Variants in ANO10 observed in about 807,000 individuals in gnomAD.
ANO10 encodes the protein anoctamin 10, also known as anoctamin-10.
Under a neutral mutation model 74.7 loss-of-function variants are expected in ANO10, and 77 were observed. The observed-to-expected ratio is 1.03, with a 90% CI of 0.86 to 1.25. The LOEUF (loss-of-function observed/expected upper bound fraction) is 1.25, where lower values mean the gene tolerates loss of function less well. ANO10 is among the 50% of genes most tolerant of loss of function. The pLI is 0.00. For synonymous variants in ANO10, 279 were observed against 284.9 expected (o/e 0.98, Z 0.21); for missense variants, 721 against 778.1 (o/e 0.93, Z 0.87).
intron 12 of ANO10, among the ~76,000 whole-genome samples, chr3:43,414,303 A>AAGGAATAGT (rs2092706568): frequency 6.6e-6 from 1 of 152,178 alleles, no homozygotes; most frequent in African/African-American, 2.4e-5. Context: ...GCAAAGAGAA[A>AAGGAATAGT]AGGAATAGTG....
intron 1 of ANO10, among the ~76,000 whole-genome samples, chr3:43,674,785 T>C (rs979085305): frequency 6.6e-6 from 1 of 152,122 alleles, no homozygotes; most frequent in African/African-American, 2.4e-5. Context: ...AAAAGGATCA[T>C]CCCAGTTTGA....
At chr3:43,600,731 G>A in intron 2 of ANO10, 150 bp from the exon 3 acceptor site, 1 of 706,760 alleles carries the variant, frequency 1.4e-6, no homozygotes, top group Non-Finnish European at 2.4e-6. Context: ...AATAACATAA[G>A]TACATTAGGG....
chr3:43,656,047 G>A (rs1575581306), intron 1 of ANO10, among the ~76,000 whole-genome samples: 1 of 130,238 alleles, frequency 7.7e-6, no homozygotes, highest in East Asian at 2.4e-4. Context: ...GTGTCCATTG[G>A]TGCATTCACA....
At chr3:43,475,673 A>T (rs1484939056) in intron 11 of ANO10, among the ~76,000 whole-genome samples, 2 of 152,166 alleles carry the variant, frequency 1.3e-5, no homozygotes, top group Non-Finnish European at 2.9e-5. Context: ...ACCTTGGCTC[A>T]CTGCAACCTC....
intron 1 of ANO10, among the ~76,000 whole-genome samples, chr3:43,610,105 ATATT>A (rs1168281175): frequency 6.6e-6 from 1 of 152,068 alleles, no homozygotes; most frequent in East Asian, 1.9e-4. Context: ...TTTTATTTAT[ATATT>A]TATTCTAGAA....
At chr3:43,500,029 T>G (rs2077045215) in intron 11 of ANO10, among the ~76,000 whole-genome samples, 1 of 152,038 alleles carries the variant, frequency 6.6e-6, no homozygotes. Flanking sequence ...GTATTTTTAG[T>G]AGAGACAGGG....
chr3:43,481,225 T>C (rs1451513853), intron 11 of ANO10, among the ~76,000 whole-genome samples: 2 of 152,186 alleles, frequency 1.3e-5, no homozygotes, highest in Non-Finnish European at 1.5e-5. Context: ...TCTTTTGTTA[T>C]TACTCTTAAA....
rs960532462 is a variant in ANO10 at position 43,550,174 on chromosome 3, G to A, written c.1669-326C>T. ...TCTAAGGGGAATCTAAAGTAGGGCT[G>A]CCAGGGAAAAATGTTTCACATTAAA... On this transcript the variant is annotated intron_variant, in intron 10 of 12. Coordinates refer to ENST00000292246, the MANE Select transcript of ANO10 (RefSeq NM_018075.5). Among the ~76,000 whole-genome samples the A allele has an allele frequency of 3.3e-5, 5 of 152,274 alleles. No individual in the cohort carries two copies. In the East Asian group the frequency reaches 9.7e-4, roughly 29 times the overall value.
At chr3:43,543,162 T>C (rs1375832872) in intron 11 of ANO10, among the ~76,000 whole-genome samples, 4 of 152,098 alleles carry the variant, frequency 2.6e-5, no homozygotes, top group Admixed American at 6.5e-5. Flanking sequence ...TCCCTCCCTC[T>C]CTCTTAGTTG....
chr3:43,618,099 C>A (rs2083209746), intron 1 of ANO10: 1 of 152,268 alleles, frequency 6.6e-6, no homozygotes. Context: ...TGGGGAGTTA[C>A]ACAGATGTAG....
chr3:43,440,184 G>T (rs1023066878), intron 11 of ANO10, among the ~76,000 whole-genome samples: 1 of 152,098 alleles, frequency 6.6e-6, no homozygotes, highest in Non-Finnish European at 1.5e-5. Flanking sequence ...AACGGCAATT[G>T]TAAGTCTGCT....
chr3:43,400,193 T>C (rs2092454263), intron 12 of ANO10, among the ~76,000 whole-genome samples: 1 of 151,962 alleles, frequency 6.6e-6, no homozygotes, highest in African/African-American at 2.4e-5. Flanking sequence ...TTTCCTTTTG[T>C]TTAAATATGG....
chr3:43,539,983 C>T (rs1416272372), intron 11 of ANO10, among the ~76,000 whole-genome samples: 1 of 152,120 alleles, frequency 6.6e-6, no homozygotes, highest in African/African-American at 2.4e-5. Context: ...TGGATGTTAA[C>T]TAAGTCATAT....
intron 12 of ANO10, among the ~76,000 whole-genome samples, chr3:43,377,479 GC>G (rs2091840495): frequency 6.6e-6 from 1 of 152,166 alleles, no homozygotes; most frequent in Admixed American, 6.5e-5. Flanking sequence ...TGGTCTGGAA[GC>G]CCTTGGAGCC....
At chr3:43,622,831 T>C (rs2083449086), upstream of ANO10, among the ~76,000 whole-genome samples, 1 of 152,148 alleles carries the variant, frequency 6.6e-6, no homozygotes. Context: ...CCTTACCTGC[T>C]CTCCTATTTC....
chr3:43,657,054 T>C (rs1334644499), intron 1 of ANO10, among the ~76,000 whole-genome samples: 4 of 152,240 alleles, frequency 2.6e-5, no homozygotes, highest in African/African-American at 7.2e-5. Flanking sequence ...AATAAACTCT[T>C]CATCCAAAAA....
chr3:43,560,865 T>G (rs536382986), intron 9 of ANO10, among the ~76,000 whole-genome samples: 1 of 152,370 alleles, frequency 6.6e-6, no homozygotes, highest in Admixed American at 6.5e-5. Flanking sequence ...TCATTTTCCA[T>G]GAGTTTGAAG....
At chr3:43,575,225 T>C (rs1473249668) in intron 6 of ANO10, among the ~76,000 whole-genome samples, 1 of 152,098 alleles carries the variant, frequency 6.6e-6, no homozygotes, top group Non-Finnish European at 1.5e-5. Context: ...AATAAAGTTT[T>C]CTGTAAATAA....
intron 1 of ANO10, 134 bp downstream of exon 1, chr3:43,621,775 G>A (rs983848329): frequency 3.3e-5 from 5 of 152,762 alleles, no homozygotes; most frequent in African/African-American, 1.2e-4. Flanking sequence ...GCTGGCACCG[G>A]GAGGCGGCCC....
Sources: allele counts gnomAD v4.1 joint callset (sites outside exome capture counted in the v4.1 genomes callset), GRCh38; gene constraint gnomAD v4.1.1; transcripts MANE v1.5; gene names NCBI Gene and HGNC (gene_info 2026-07-23, HGNC 2026-07-21).